TJP1: variants seen among roughly 807,000 people sequenced by gnomAD.
TJP1 encodes the protein tight junction protein ZO-1.
Under a neutral mutation model 194.2 loss-of-function variants are expected in TJP1, and 43 were observed. That is an observed-to-expected ratio of 0.22 (90% CI 0.17 to 0.29). The LOEUF (loss-of-function observed/expected upper bound fraction) is 0.29, where lower values mean the gene tolerates loss of function less well. Among genes scored for constraint, TJP1 ranks in the 10% least tolerant of loss-of-function variants. The pLI is 1.00. For synonymous variants in TJP1, 801 were observed against 779.0 expected (o/e 1.03, Z -0.47); for missense variants, 1,971 against 2,185.7 (o/e 0.90, Z 1.96).
chr15:29,763,767 C>CAAA (rs10680239), intron 5 of TJP1, among the ~76,000 whole-genome samples: 4,158 of 121,680 alleles, frequency 0.034, 162 homozygotes, highest in African/African-American at 0.076. Flanking sequence ...GACTCCGTCT[C>CAAA]AAAAAAAAAA....
At chr15:29,742,804 A>T in intron 8 of TJP1, 23 bp from the exon 9 acceptor site, 1 of 1,564,070 alleles carries the variant, frequency 6.4e-7, no homozygotes, top group East Asian at 2.3e-5. Flanking sequence ...AAAATAAAAA[A>T]TCAAGAGCAT....
At chr15:29,946,885 A>G (rs1199099599) in intron 2 of TJP1, among the ~76,000 whole-genome samples, 1 of 152,222 alleles carries the variant, frequency 6.6e-6, no homozygotes, top group Non-Finnish European at 1.5e-5. Flanking sequence ...GTAAGGTTGC[A>G]CAGTAAAACA....
intron 2 of TJP1, among the ~76,000 whole-genome samples, chr15:29,949,027 A>G (rs1452477061): frequency 7.2e-6 from 1 of 139,212 alleles, no homozygotes; most frequent in Non-Finnish European, 1.6e-5. Context: ...TACCCTCACA[A>G]ACACCCACCA....
chr15:29,857,732 T>G (rs959015813), intron 2 of TJP1, among the ~76,000 whole-genome samples: 1 of 152,164 alleles, frequency 6.6e-6, no homozygotes, highest in African/African-American at 2.4e-5. Flanking sequence ...ACTTAAAAGA[T>G]GTTTAAATGA....
At chr15:29,887,508 C>A (rs1276297876) in intron 2 of TJP1, among the ~76,000 whole-genome samples, 3 of 151,862 alleles carry the variant, frequency 2.0e-5, no homozygotes, top group Non-Finnish European at 4.4e-5. Context: ...ACCACGTTAG[C>A]CAGGCTGGTC....
intron 1 of TJP1, among the ~76,000 whole-genome samples, chr15:29,811,035 G>C (rs1054159347): frequency 1.3e-5 from 2 of 152,080 alleles, no homozygotes; most frequent in Non-Finnish European, 1.5e-5. Context: ...TACTATGAAA[G>C]AAGGAAAAAC....
At chr15:29,912,692 TC>T (rs2054054482) in intron 2 of TJP1, among the ~76,000 whole-genome samples, 1 of 51,662 alleles carries the variant, frequency 1.9e-5, no homozygotes, top group Non-Finnish European at 3.1e-5. Context: ...CAAGACTCTG[TC>T]TCAAAAAAAA....
intron 2 of TJP1, among the ~76,000 whole-genome samples, chr15:29,869,641 T>C (rs528557697): frequency 5.1e-4 from 78 of 152,040 alleles, no homozygotes; most frequent in South Asian, 1.5e-3. Flanking sequence ...TGAGGCGACT[T>C]ATCAGTCCCT....
chr15:29,888,358 CAT>C (rs1334758223), intron 2 of TJP1, among the ~76,000 whole-genome samples: 2 of 152,140 alleles, frequency 1.3e-5, no homozygotes, highest in African/African-American at 2.4e-5. Context: ...TACACACACA[CAT>C]ATATACACGC....
chr15:29,717,392 G>A (rs1406826680), intron 22 of TJP1, among the ~76,000 whole-genome samples: 3 of 152,194 alleles, frequency 2.0e-5, no homozygotes, highest in Non-Finnish European at 4.4e-5. Context: ...CATATATTCA[G>A]TCAAAAAACA....
At chr15:29,735,655 T>A (rs2043981690) in intron 11 of TJP1, among the ~76,000 whole-genome samples, 1 of 150,828 alleles carries the variant, frequency 6.6e-6, no homozygotes, top group South Asian at 2.1e-4. Flanking sequence ...CAAAACAGGG[T>A]TAAGAGATGG....
At chr15:29,751,116 A>T (rs1234062146) in intron 8 of TJP1, among the ~76,000 whole-genome samples, 1 of 152,320 alleles carries the variant, frequency 6.6e-6, no homozygotes, top group Admixed American at 6.5e-5. Flanking sequence ...CACAACGATT[A>T]AAAAATGGTC....
chr15:29,708,589 A>T lies in TJP1; in HGVS notation c.4820T>A (p.Ile1607Asn), dbSNP rs748090425. 6.2e-7 allele frequency: 1 copy of T among 1,613,548 alleles called. No individual in the cohort carries two copies. Among genetic ancestry groups the T allele is most frequent in the Non-Finnish European group, 8.5e-7 (1 of 1,179,466 alleles). Reference sequence around the variant, plus strand: ...AGGAATAGCTTTAGGCACTGTGCTGATATTATTTATTTGATATTTAGGCTT... The same window carrying T: ...AGGAATAGCTTTAGGCACTGTGCTGTTATTATTTATTTGATATTTAGGCTT... Reference protein sequence around the residue: ...AEKPKYQINNISTVPKAIPVS... With the variant: ...AEKPKYQINNNSTVPKAIPVS... Residue 1607 changes from isoleucine (I) to asparagine (N), a missense_variant, in exon 25 of 28, where the codon ATC becomes AAC. Physicochemically the swap from Ile to Asn is moderately radical, Grantham distance 149. Transcript: ENST00000614355.
chr15:29,890,582 T>TCTGGAAACTACACA (rs374696657), intron 2 of TJP1, among the ~76,000 whole-genome samples: 248 of 152,286 alleles, frequency 1.6e-3, no homozygotes, highest in African/African-American at 5.5e-3. Context: ...AGAGTAATGT[T>TCTGGAAACTACACA]CTGGTAAATA....
At chr15:29,879,106 A>G (rs572021952) in intron 2 of TJP1, among the ~76,000 whole-genome samples, 48 of 152,328 alleles carry the variant, frequency 3.2e-4, no homozygotes, top group African/African-American at 9.9e-4. Flanking sequence ...CCTGGGAGAC[A>G]GAGTGAGACT....
At chr15:29,895,578 T>C (rs1175368620) in intron 2 of TJP1, among the ~76,000 whole-genome samples, 1 of 152,144 alleles carries the variant, frequency 6.6e-6, no homozygotes, top group Non-Finnish European at 1.5e-5. Context: ...ACTTAAGCAT[T>C]CCGTAAGAAG....
intron 2 of TJP1, 67 bp from the exon 3 acceptor site, chr15:29,773,424 A>G: frequency 6.7e-7 from 1 of 1,495,238 alleles, no homozygotes. Flanking sequence ...CATACTCTAC[A>G]ATCTAGAGAA....
At chr15:29,939,215 T>C (rs1039521940) in intron 2 of TJP1, among the ~76,000 whole-genome samples, 1 of 152,180 alleles carries the variant, frequency 6.6e-6, no homozygotes, top group African/African-American at 2.4e-5. Flanking sequence ...TTAAATGGCA[T>C]CTTTCCTGCT....
At chr15:29,743,524 G>C (rs2044563776) in intron 8 of TJP1, among the ~76,000 whole-genome samples, 1 of 152,142 alleles carries the variant, frequency 6.6e-6, no homozygotes, top group South Asian at 2.1e-4. Context: ...CCAGGAGTTT[G>C]AGACCAGCTG....
Sources: allele counts gnomAD v4.1 joint callset (sites outside exome capture counted in the v4.1 genomes callset), GRCh38; gene constraint gnomAD v4.1.1; transcripts MANE v1.5; gene names NCBI Gene and HGNC (gene_info 2026-07-23, HGNC 2026-07-21).